Variants in SMARCC1 observed in about 807,000 individuals in gnomAD.
SMARCC1 encodes SWI/SNF related BAF chromatin remodeling complex subunit C1.
In SMARCC1, 43 loss-of-function variants were observed where a neutral mutation model predicts 147.4. The observed-to-expected ratio is 0.29, with a 90% CI of 0.23 to 0.38. SMARCC1 has a LOEUF of 0.38. Ranked by LOEUF, SMARCC1 falls within the 10% of genes least tolerant of loss-of-function variation. SMARCC1 has a pLI of 1.00. For missense variants in SMARCC1, 1,119 were observed against 1,381.1 expected (o/e 0.81, Z 3.01); for synonymous variants, 495 against 484.4 (o/e 1.02, Z -0.29).
intron 3 of SMARCC1, among the ~76,000 whole-genome samples, chr3:47,744,066 G>C (rs1375995384): frequency 6.6e-6 from 1 of 152,106 alleles, no homozygotes; most frequent in African/African-American, 2.4e-5. Context: ...GAATACCATC[G>C]TGAGAGGTCC....
intron 7 of SMARCC1, among the ~76,000 whole-genome samples, chr3:47,718,611 G>C (rs1418068539): frequency 6.6e-6 from 1 of 152,044 alleles, no homozygotes; most frequent in East Asian, 1.9e-4. Context: ...AAGGTGCAGT[G>C]TATACTGCTC....
At chr3:47,609,768 CTA>C (rs1489805442) in intron 26 of SMARCC1, among the ~76,000 whole-genome samples, 1 of 152,070 alleles carries the variant, frequency 6.6e-6, no homozygotes, top group African/African-American at 2.4e-5. Context: ...TTGAAAATGT[CTA>C]TAATTTTTTT....
intron 3 of SMARCC1, among the ~76,000 whole-genome samples, chr3:47,741,362 T>C (rs1336025935): frequency 2.7e-5 from 1 of 36,476 alleles, no homozygotes; most frequent in Non-Finnish European, 9.3e-5. Flanking sequence ...ACTCAACGAT[T>C]TAATATTAAA....
intron 6 of SMARCC1, among the ~76,000 whole-genome samples, chr3:47,722,134 A>G (rs2034240002): frequency 6.6e-6 from 1 of 151,830 alleles, no homozygotes; most frequent in South Asian, 2.1e-4. Flanking sequence ...GACTACCTAA[A>G]CTAACCTGTC....
chr3:47,767,097 C>T (rs952792232), intron 2 of SMARCC1, among the ~76,000 whole-genome samples: 5 of 147,560 alleles, frequency 3.4e-5, no homozygotes, highest in African/African-American at 9.9e-5. Flanking sequence ...GCAGGAGAAT[C>T]GCCTGAACCC....
At chr3:47,708,085 T>TTTTTCC (rs2034034157) in intron 9 of SMARCC1, among the ~76,000 whole-genome samples, 1 of 33,464 alleles carries the variant, frequency 3.0e-5, no homozygotes, top group Admixed American at 4.7e-4. Context: ...TTTTTTTTCT[T>TTTTTCC]TTTTTTTTTT....
At chr3:47,633,765 T>TAC (rs2032927156) in intron 24 of SMARCC1, among the ~76,000 whole-genome samples, 1 of 28,898 alleles carries the variant, frequency 3.5e-5, no homozygotes, top group African/African-American at 1.6e-4. Flanking sequence ...AAAAAAAAAA[T>TAC]ATATATATAT....
intron 2 of SMARCC1, among the ~76,000 whole-genome samples, chr3:47,747,851 C>A (rs969123386): frequency 4.7e-5 from 7 of 150,288 alleles, no homozygotes; most frequent in African/African-American, 1.7e-4. Flanking sequence ...CTTATAAATT[C>A]TTGACTATAA....
chr3:47,755,539 T>A (rs966090618), intron 2 of SMARCC1, among the ~76,000 whole-genome samples: 36 of 139,188 alleles, frequency 2.6e-4, no homozygotes, highest in Middle Eastern at 3.9e-3. Context: ...AAAGCGAATT[T>A]AAAAAAAAAA....
intron 2 of SMARCC1, among the ~76,000 whole-genome samples, chr3:47,750,435 AAAAT>A (rs565957715): frequency 6.6e-6 from 1 of 152,170 alleles, no homozygotes; most frequent in East Asian, 1.9e-4. Flanking sequence ...CTCCATCTCA[AAAAT>A]AAATAAATAA....
chr3:47,629,770 T>C (rs1461447326), intron 24 of SMARCC1, among the ~76,000 whole-genome samples: 1 of 152,114 alleles, frequency 6.6e-6, no homozygotes, highest in Non-Finnish European at 1.5e-5. Context: ...TGAGTGACTC[T>C]AGTCAATGCG....
chr3:47,717,105 TC>T (rs2034165014), intron 7 of SMARCC1, among the ~76,000 whole-genome samples: 1 of 152,184 alleles, frequency 6.6e-6, no homozygotes, highest in Non-Finnish European at 1.5e-5. Context: ...AAGACAAACT[TC>T]CTTCTTTTAA....
chr3:47,704,594 G>C (rs1426494900), intron 10 of SMARCC1, among the ~76,000 whole-genome samples: 2 of 152,064 alleles, frequency 1.3e-5, no homozygotes, highest in Non-Finnish European at 2.9e-5. Context: ...CAAAATCTCT[G>C]AACAGCAACA....
intron 24 of SMARCC1, among the ~76,000 whole-genome samples, chr3:47,624,197 A>T (rs1458121144): frequency 6.6e-6 from 1 of 152,086 alleles, no homozygotes; most frequent in African/African-American, 2.4e-5. Flanking sequence ...AGGCTGAGGC[A>T]TAAGAATCGC....
chr3:47,739,693 G>C (rs1180696849), intron 3 of SMARCC1, among the ~76,000 whole-genome samples: 2 of 152,014 alleles, frequency 1.3e-5, no homozygotes, highest in African/African-American at 4.8e-5. Flanking sequence ...TCTGAGTCCA[G>C]AGCTCATACT....
At chr3:47,702,600 C>T (rs1202603944) in intron 10 of SMARCC1, among the ~76,000 whole-genome samples, 1 of 152,108 alleles carries the variant, frequency 6.6e-6, no homozygotes, top group African/African-American at 2.4e-5. Flanking sequence ...TACCAAAAAA[C>T]AAAAAATTTA....
In SMARCC1 at chr3:47,701,326, C is replaced by T; in HGVS notation, c.1117G>A (p.Asp373Asn). The T allele has an allele frequency of 6.2e-7, 1 of 1,612,806 alleles. No individual in the cohort carries two copies. The highest frequency in any genetic ancestry group is 8.5e-7 in the Non-Finnish European group (1 of 1,178,800). Residue 373 changes from aspartate (D) to asparagine (N), a missense_variant, in exon 11 of 28, where the codon GAC becomes AAC. Physicochemically the swap from Asp to Asn is conservative, Grantham distance 23. Coordinates refer to ENST00000254480, the MANE Select transcript of SMARCC1 (RefSeq NM_003074.4). ...TCTATATTGGGTACAGGTGTTGGGTCTTCCATATCCTTGGTTAGATCTTCT... is the reference window on the plus strand; with the variant it reads ...TCTATATTGGGTACAGGTGTTGGGTTTTCCATATCCTTGGTTAGATCTTCT... ...EQEDLTKDMEDPTPVPNIEEV... is the reference protein window; with the variant it reads ...EQEDLTKDMENPTPVPNIEEV...
intron 26 of SMARCC1, among the ~76,000 whole-genome samples, chr3:47,598,694 G>A (rs1287386258): frequency 1.3e-5 from 2 of 151,888 alleles, no homozygotes; most frequent in Non-Finnish European, 2.9e-5. Flanking sequence ...GCTGTGTGTG[G>A]TGGTATATGC....
Position 47,733,820 on chromosome 3 carries a change from C to A in SMARCC1, c.576+2214G>T, listed in dbSNP as rs369533987. On this transcript the variant is annotated intron_variant, in intron 5 of 27. Transcript: ENST00000254480. ...CAGAGCTTGCAGTGAGCCAAGATCA[C>A]GCCATGGCACTCCAGCCTGGGCGAC... Among the ~76,000 whole-genome samples, 6 of 142,888 alleles carry A rather than the reference C, an allele frequency of 4.2e-5. No individual in the cohort carries two copies. In the East Asian group the frequency reaches 1.2e-3, roughly 29 times the overall value. The allele number at this position is 142,888 out of a possible 152,430, so 93.7% of individuals were successfully genotyped here. A position where few individuals can be genotyped will look rare whatever the true frequency, so the allele number is the denominator to read the frequency against.
Sources: allele counts gnomAD v4.1 joint callset (sites outside exome capture counted in the v4.1 genomes callset), GRCh38; gene constraint gnomAD v4.1.1; transcripts MANE v1.5; gene names NCBI Gene and HGNC (gene_info 2026-07-23, HGNC 2026-07-21).